Variants in PPP2R2C observed in about 807,000 individuals in gnomAD.
PPP2R2C encodes protein phosphatase 2 regulatory subunit Bgamma, also known as protein phosphatase 2, regulatory subunit B, gamma.
PPP2R2C carries 10 observed loss-of-function variants against 45.3 expected under a neutral mutation model. The ratio of observed to expected loss-of-function variants is 0.22; its 90% CI spans 0.14 to 0.37. The LOEUF (loss-of-function observed/expected upper bound fraction) is 0.37, where lower values mean the gene tolerates loss of function less well. PPP2R2C is among the 10% of genes least tolerant of loss of function. PPP2R2C has a pLI of 1.00. For missense variants in PPP2R2C, 308 were observed against 619.7 expected (o/e 0.50, Z 5.34); for synonymous variants, 257 against 245.4 (o/e 1.05, Z -0.44).
intron 1 of PPP2R2C, among the ~76,000 whole-genome samples, chr4:6,560,789 G>C (rs1345979298): frequency 1.3e-5 from 2 of 152,218 alleles, no homozygotes; most frequent in South Asian, 2.1e-4. Flanking sequence ...CTGAATCTTT[G>C]AATGTGTGTT....
intron 6 of PPP2R2C, among the ~76,000 whole-genome samples, chr4:6,334,925 C>G (rs916758680): frequency 5.9e-5 from 9 of 152,324 alleles, no homozygotes; most frequent in Middle Eastern, 3.4e-3. Context: ...AGGTCTGTCC[C>G]AGCCCCTTAT....
At chr4:6,519,954 G>A (rs1723961377) in intron 2 of PPP2R2C, among the ~76,000 whole-genome samples, 1 of 152,124 alleles carries the variant, frequency 6.6e-6, no homozygotes, top group South Asian at 2.1e-4. Context: ...CACCTGGGGT[G>A]AGCTGCTTTG....
intron 1 of PPP2R2C, among the ~76,000 whole-genome samples, chr4:6,422,053 A>ATT (rs33996768): frequency 0.24 from 35,858 of 149,286 alleles, 4,750 homozygotes; most frequent in Admixed American, 0.4. Flanking sequence ...CATTGGTGCA[A>ATT]TTTTTTTTTT....
intron 6 of PPP2R2C, among the ~76,000 whole-genome samples, chr4:6,344,788 A>G: frequency 6.6e-6 from 1 of 152,144 alleles, no homozygotes; most frequent in East Asian, 1.9e-4. Context: ...TTATCCCCTA[A>G]ATCTTTCAAC....
intron 1 of PPP2R2C, among the ~76,000 whole-genome samples, chr4:6,468,688 G>A (rs1163608804): frequency 6.6e-6 from 1 of 152,128 alleles, no homozygotes; most frequent in Non-Finnish European, 1.5e-5. Flanking sequence ...GCTGCCCAGG[G>A]CAGGATGTGC....
At chr4:6,486,549 T>C (rs2108782304) in intron 2 of PPP2R2C, among the ~76,000 whole-genome samples, 1 of 152,226 alleles carries the variant, frequency 6.6e-6, no homozygotes, top group South Asian at 2.1e-4. Context: ...ATGTCTCTGA[T>C]TAGGTGCATA....
At chr4:6,351,065 G>A (rs564965897) in intron 5 of PPP2R2C, 2 of 978,906 alleles carry the variant, frequency 2.0e-6, no homozygotes, top group Non-Finnish European at 2.4e-6. Flanking sequence ...AGCACTTTGG[G>A]AGGTCAAGGC....
intron 7 of PPP2R2C, among the ~76,000 whole-genome samples, chr4:6,333,310 T>A (rs970774138): frequency 1.3e-5 from 2 of 152,218 alleles, no homozygotes; most frequent in Non-Finnish European, 2.9e-5. Context: ...CTCCCTGGAA[T>A]TGAGGCCCCT....
rs144713938 is a variant in PPP2R2C, at chr4:6,350,295, C to G, written c.626-2285G>C. On this transcript the variant is annotated intron_variant, in intron 5 of 8. Coordinates refer to ENST00000382599, the MANE Select transcript of PPP2R2C (RefSeq NM_020416.4). Reference sequence around the variant, plus strand: ...CCATGGCTTTCCAGGACACGCTGCCCGCTCGGAGCAGCTCTCAGGTCCTTA... The same window carrying G: ...CCATGGCTTTCCAGGACACGCTGCCGGCTCGGAGCAGCTCTCAGGTCCTTA... The G allele has an allele frequency of 1.3e-4, 124 of 985,472 alleles. 2 individuals are homozygous for G. Among genetic ancestry groups the G allele is most frequent in the East Asian group, 3.4e-4 (3 of 8,812 alleles). The allele number at this position is 985,472 out of a possible 1,614,324, so 61.0% of individuals were successfully genotyped here.
intron 1 of PPP2R2C, among the ~76,000 whole-genome samples, chr4:6,385,925 T>C (rs1408938895): frequency 6.6e-6 from 1 of 152,188 alleles, no homozygotes; most frequent in Non-Finnish European, 1.5e-5. Flanking sequence ...ACTTCCTGCA[T>C]GGTGCTGTCT....
intron 6 of PPP2R2C, 21 bp downstream of exon 6, chr4:6,347,825 C>A (rs1712144848): frequency 1.3e-6 from 2 of 1,590,188 alleles, no homozygotes; most frequent in South Asian, 1.1e-5. Context: ...CAGCCCCCCA[C>A]CCCCAGGCAC....
intron 1 of PPP2R2C, among the ~76,000 whole-genome samples, chr4:6,392,340 G>A (rs1716703671): frequency 6.6e-6 from 1 of 152,068 alleles, no homozygotes; most frequent in East Asian, 1.9e-4. Context: ...CTCTCGAATG[G>A]GAGAGACAGC....
In PPP2R2C at chr4:6,338,622, G is replaced by A. The variant is rs546006437; in HGVS notation, c.791-4891C>T. Among the ~76,000 whole-genome samples, 11 of 152,230 alleles carry A rather than the reference G, an allele frequency of 7.2e-5. No homozygotes were observed. The East Asian group carries it at 7.8e-4, about 11-fold the overall frequency. ...AGGATCAAGGTTTAGGCTCCTACCT[G>A]TAGCTGACCAGCTCCTTCTCAATGG... On this transcript the variant is annotated intron_variant, in intron 6 of 8. Transcript: ENST00000382599.
chr4:6,474,698 C>T (rs991635136), upstream of PPP2R2C, among the ~76,000 whole-genome samples: 14 of 152,078 alleles, frequency 9.2e-5, no homozygotes, highest in African/African-American at 3.4e-4. Flanking sequence ...CCAAGGCTTG[C>T]ATCCATCCCC....
chr4:6,519,285 C>T (rs1723938612), intron 2 of PPP2R2C, among the ~76,000 whole-genome samples: 1 of 152,296 alleles, frequency 6.6e-6, no homozygotes. Context: ...GCCCCCACGG[C>T]ACCTAGGAAA....
intron 1 of PPP2R2C, among the ~76,000 whole-genome samples, chr4:6,390,448 C>G (rs1424635921): frequency 6.6e-6 from 1 of 152,204 alleles, no homozygotes; most frequent in African/African-American, 2.4e-5. Context: ...TAGAAGGCGG[C>G]CCATCCCCAG....
chr4:6,448,153 G>C (rs1253879065), intron 1 of PPP2R2C, among the ~76,000 whole-genome samples: 1 of 152,162 alleles, frequency 6.6e-6, no homozygotes, highest in East Asian at 1.9e-4. Context: ...GTCATTTATT[G>C]GGTGCGTTCT....
intron 1 of PPP2R2C, among the ~76,000 whole-genome samples, chr4:6,459,308 T>G (rs915617767): frequency 2.0e-5 from 3 of 152,148 alleles, no homozygotes; most frequent in Non-Finnish European, 4.4e-5. Context: ...ACAAACTGCT[T>G]GGGCTTCCTC....
intron 1 of PPP2R2C, among the ~76,000 whole-genome samples, chr4:6,425,270 C>T (rs562695632): frequency 6.6e-6 from 1 of 152,200 alleles, no homozygotes; most frequent in Non-Finnish European, 1.5e-5. Context: ...GGAGCAGGCA[C>T]TCTGACACGT....
Sources: gnomAD v4.1 joint callset for allele counts (sites outside exome capture counted in the v4.1 genomes callset) on GRCh38, gnomAD v4.1.1 for gene constraint, MANE v1.5 for transcripts, NCBI Gene and HGNC (gene_info 2026-07-23, HGNC 2026-07-21) for gene names.